The following MPHOSPH6 variants were observed in gnomAD, a reference collection of about 807,000 sequenced individuals.
MPHOSPH6 encodes the protein M-phase phosphoprotein 6.
MPHOSPH6 carries 25 observed loss-of-function variants against 21.8 expected under a neutral mutation model. The ratio of observed to expected loss-of-function variants is 1.15; its 90% CI spans 0.83 to 1.60. MPHOSPH6 has a LOEUF of 1.60. Ranked by LOEUF, MPHOSPH6 falls within the 40% of genes most tolerant of loss-of-function variation. The probability of loss-of-function intolerance (pLI) is 0.00; values close to 1 mark genes in which losing one functional copy is unlikely to be tolerated. For synonymous variants in MPHOSPH6, 84 were observed against 56.5 expected, an observed-to-expected ratio of 1.49 and a Z score of -2.18; for missense variants, 269 against 181.8, an observed-to-expected ratio of 1.48 and a Z score of -2.76.
intron 1 of MPHOSPH6, among the ~76,000 whole-genome samples, chr16:82,166,459 G>A (rs1312110035): frequency 1.3e-5 from 2 of 152,132 alleles, no homozygotes; most frequent in East Asian, 3.8e-4. Flanking sequence ...GTTGGCATTT[G>A]GCTTGGCTCT....
intron 1 of MPHOSPH6, among the ~76,000 whole-genome samples, chr16:82,168,559 C>T (rs1906867348): frequency 6.6e-6 from 1 of 150,616 alleles, no homozygotes; most frequent in African/African-American, 2.5e-5. Context: ...CAGCCTTGAT[C>T]TCCCAAGCTC....
chr16:82,158,557 C>T (rs725953), intron 2 of MPHOSPH6, among the ~76,000 whole-genome samples: 25 of 147,930 alleles, frequency 1.7e-4, no homozygotes, highest in Non-Finnish European at 3.1e-4. Context: ...TCTAACTGCA[C>T]TTGTGTGACT....
At chr16:82,152,778 G>C (rs4889476) in intron 2 of MPHOSPH6, among the ~76,000 whole-genome samples, 70,026 of 152,076 alleles carry the variant, frequency 0.46, 19,345 homozygotes, top group Non-Finnish European at 0.62. Context: ...CCACATGACC[G>C]TAAATCCAAG....
intron 2 of MPHOSPH6, among the ~76,000 whole-genome samples, chr16:82,152,683 G>A (rs1906303821): frequency 6.6e-6 from 1 of 152,178 alleles, no homozygotes; most frequent in African/African-American, 2.4e-5. Context: ...GGCTGAGCAC[G>A]ACACCACTGA....
intron 1 of MPHOSPH6, among the ~76,000 whole-genome samples, chr16:82,167,069 G>A (rs556046289): frequency 1.6e-4 from 25 of 151,732 alleles, no homozygotes; most frequent in South Asian, 2.1e-4. Flanking sequence ...ATGGTCATTC[G>A]GTCTTGAACA....
intron 1 of MPHOSPH6, chr16:82,167,725 C>T: frequency 6.6e-6 from 1 of 152,376 alleles, no homozygotes; most frequent in Non-Finnish European, 1.5e-5. Context: ...AGGATTCTGC[C>T]ACTGATCTGA....
Position 82,170,178 on chromosome 16 carries a change from T to C in MPHOSPH6, c.-3A>G, listed in dbSNP as rs919435034. The C allele has an allele frequency of 1.6e-5, 25 of 1,588,266 alleles. No individual in the cohort carries two copies. Among genetic ancestry groups the C allele is most frequent in the African/African-American group, 4.1e-5 (3 of 73,360 alleles). ...CTTGTCTTTCGCTCGGCCGCCATGG[T>C]AGCTTCCGCCCAGCGCCGCACTCCG... On this transcript the variant is annotated 5_prime_UTR_variant, in exon 1 of 5. Transcript: ENST00000258169.
intron 2 of MPHOSPH6, among the ~76,000 whole-genome samples, chr16:82,156,511 A>C (rs1030335850): frequency 1.3e-5 from 2 of 152,240 alleles, no homozygotes; most frequent in Non-Finnish European, 2.9e-5. Flanking sequence ...GGAAATGGCC[A>C]AAAAGGAAGA....
intron 2 of MPHOSPH6, among the ~76,000 whole-genome samples, chr16:82,151,971 C>T (rs16956566): frequency 0.012 from 1,799 of 152,252 alleles, 39 homozygotes; most frequent in African/African-American, 0.041. Context: ...TTTTGTCTTT[C>T]GTTCTCAGGG....
intron 2 of MPHOSPH6, chr16:82,163,798 C>T (rs1906677566): frequency 1.8e-5 from 5 of 282,818 alleles, no homozygotes; most frequent in African/African-American, 8.9e-5. Context: ...GAGAACATTA[C>T]AGCTTCCCCA....
intron 1 of MPHOSPH6, among the ~76,000 whole-genome samples, chr16:82,168,644 G>A (rs926299399): frequency 6.6e-6 from 1 of 151,958 alleles, no homozygotes; most frequent in African/African-American, 2.4e-5. Flanking sequence ...CTAATATTTT[G>A]TATTTTTTGT....
intron 2 of MPHOSPH6, among the ~76,000 whole-genome samples, chr16:82,154,822 A>G (rs1235944181): frequency 2.0e-5 from 3 of 152,226 alleles, no homozygotes; most frequent in African/African-American, 7.2e-5. Context: ...CATTTAAGGA[A>G]GAAATAATTT....
At chr16:82,159,978 T>C (rs1207384536) in intron 2 of MPHOSPH6, among the ~76,000 whole-genome samples, 1 of 152,112 alleles carries the variant, frequency 6.6e-6, no homozygotes, top group Non-Finnish European at 1.5e-5. Flanking sequence ...AAGTAAATCA[T>C]CTCTCTCAGG....
At chr16:82,149,038 C>T (rs1202231788) in intron 4 of MPHOSPH6, among the ~76,000 whole-genome samples, 175 bp from the exon 5 acceptor site, 2 of 152,212 alleles carry the variant, frequency 1.3e-5, no homozygotes, top group African/African-American at 4.8e-5. Flanking sequence ...GATTAAATTC[C>T]TTGCCATTTT....
chr16:82,153,426 A>C, intron 2 of MPHOSPH6, among the ~76,000 whole-genome samples: 1 of 152,184 alleles, frequency 6.6e-6, no homozygotes, highest in Non-Finnish European at 1.5e-5. Context: ...ATGAATGCGG[A>C]GCTTTCTGCC....
At chr16:82,156,881 C>A (rs1320822515) in intron 2 of MPHOSPH6, among the ~76,000 whole-genome samples, 1 of 152,074 alleles carries the variant, frequency 6.6e-6, no homozygotes, top group Non-Finnish European at 1.5e-5. Flanking sequence ...GCCTGGCCAA[C>A]ATGGTCTCTA....
chr16:82,170,179 A>G lies in MPHOSPH6; in HGVS notation c.-4T>C, dbSNP rs779414019. 3.8e-6 allele frequency: 6 copies of G among 1,588,132 alleles called. No homozygotes were observed. In the South Asian group the frequency reaches 5.7e-5, roughly 15 times the overall value. On this transcript the variant is annotated 5_prime_UTR_variant, in exon 1 of 5. Transcript: ENST00000258169. The stretch of plus-strand genomic sequence containing the variant: ...TTGTCTTTCGCTCGGCCGCCATGGT[A>G]GCTTCCGCCCAGCGCCGCACTCCGG...
intron 2 of MPHOSPH6, among the ~76,000 whole-genome samples, chr16:82,159,818 CACTT>C (rs1318319393): frequency 6.6e-6 from 1 of 152,196 alleles, no homozygotes; most frequent in Non-Finnish European, 1.5e-5. Flanking sequence ...GCTAGAAACT[CACTT>C]ACTTCAGAAC....
intron 1 of MPHOSPH6, among the ~76,000 whole-genome samples, chr16:82,165,158 C>T (rs1247334611): frequency 1.8e-5 from 2 of 114,032 alleles, no homozygotes; most frequent in South Asian, 3.1e-4. Context: ...GACAGAGTCT[C>T]ACTCTGTCGC....
Sources: gnomAD v4.1 joint callset for allele counts (sites outside exome capture counted in the v4.1 genomes callset) on GRCh38, gnomAD v4.1.1 for gene constraint, MANE v1.5 for transcripts, NCBI Gene and HGNC (gene_info 2026-07-23, HGNC 2026-07-21) for gene names.